Variants in CLNK observed in about 807,000 individuals in gnomAD.
CLNK encodes cytokine dependent hematopoietic cell linker, also known as cytokine-dependent hematopoietic cell linker.
In CLNK, 74 loss-of-function variants were observed where a neutral mutation model predicts 68.6. The observed-to-expected ratio is 1.08, with a 90% CI of 0.89 to 1.31. The LOEUF is 1.31. Among genes scored for constraint, CLNK ranks in the 50% most tolerant of loss-of-function variants. The pLI is 0.00. For missense variants in CLNK, 553 were observed against 515.3 expected (o/e 1.07, Z -0.71); for synonymous variants, 198 against 172.2 (o/e 1.15, Z -1.17).
chr4:10,609,560 C>A lies in CLNK; in HGVS notation c.12-11511G>T, dbSNP rs555276531. ...GACATTAGGGACCACCTGTCAAGACCCTCACACAGAAGAGCAGCAGAGGAA... is the reference window on the plus strand; with the variant it reads ...GACATTAGGGACCACCTGTCAAGACACTCACACAGAAGAGCAGCAGAGGAA... On this transcript the variant is annotated intron_variant, in intron 2 of 18. Coordinates refer to ENST00000226951, the MANE Select transcript of CLNK (RefSeq NM_052964.4). Among the ~76,000 whole-genome samples the A allele has an allele frequency of 3.3e-5, 5 of 152,304 alleles. No individual in the cohort carries two copies. The South Asian group carries it at 1.0e-3, about 32-fold the overall frequency.
chr4:10,611,810 A>G (rs1277447685), intron 2 of CLNK, among the ~76,000 whole-genome samples: 1 of 151,974 alleles, frequency 6.6e-6, no homozygotes, highest in Admixed American at 6.6e-5. Context: ...ACTTCCTCCA[A>G]TCCATTCACT....
At chr4:10,554,882 C>G (rs1353343965) in intron 8 of CLNK, among the ~76,000 whole-genome samples, 1 of 152,096 alleles carries the variant, frequency 6.6e-6, no homozygotes, top group Admixed American at 6.5e-5. Flanking sequence ...ATGGGATGTT[C>G]GTTACGAAAT....
intron 2 of CLNK, among the ~76,000 whole-genome samples, chr4:10,617,021 C>G (rs1722262562): frequency 6.6e-6 from 1 of 152,010 alleles, no homozygotes; most frequent in African/African-American, 2.4e-5. Context: ...TTTTACTGCT[C>G]TGATCCACAT....
At chr4:10,607,167 C>T (rs1448097800) in intron 2 of CLNK, among the ~76,000 whole-genome samples, 4 of 152,162 alleles carry the variant, frequency 2.6e-5, no homozygotes, top group African/African-American at 4.8e-5. Context: ...GGAAAAGGTG[C>T]ATCCATAGAG....
chr4:10,629,405 G>C (rs191260653), intron 2 of CLNK, among the ~76,000 whole-genome samples: 12 of 152,256 alleles, frequency 7.9e-5, no homozygotes, highest in Non-Finnish European at 5.9e-5. Context: ...GGGGAGGCAG[G>C]CTCCCTTTCC....
intron 2 of CLNK, among the ~76,000 whole-genome samples, chr4:10,608,145 A>T (rs1298434162): frequency 6.6e-6 from 1 of 152,180 alleles, no homozygotes; most frequent in African/African-American, 2.4e-5. Context: ...CCCTGCAAGA[A>T]TTCCTCCATT....
intron 2 of CLNK, among the ~76,000 whole-genome samples, chr4:10,659,216 G>A (rs912714799): frequency 2.0e-5 from 3 of 152,044 alleles, no homozygotes; most frequent in Non-Finnish European, 2.9e-5. Flanking sequence ...AAAACAAAAC[G>A]TAACACACAA....
At chr4:10,504,058 C>T (rs922497350) in intron 17 of CLNK, among the ~76,000 whole-genome samples, 10 of 149,472 alleles carry the variant, frequency 6.7e-5, no homozygotes, top group African/African-American at 2.2e-4. Context: ...TGGGATTATA[C>T]GTGTGAGCCA....
intron 2 of CLNK, among the ~76,000 whole-genome samples, chr4:10,633,965 T>A (rs1321019443): frequency 6.6e-6 from 1 of 152,196 alleles, no homozygotes. Context: ...GAGGTCAGAA[T>A]GAGAACTCCC....
chr4:10,605,654 C>T (rs1721760255), intron 2 of CLNK, among the ~76,000 whole-genome samples: 2 of 151,546 alleles, frequency 1.3e-5, no homozygotes, highest in African/African-American at 2.4e-5. Context: ...ATGGTAAAAC[C>T]CCGTCTCTAC....
intron 15 of CLNK, among the ~76,000 whole-genome samples, chr4:10,514,068 C>G (rs1396840677): frequency 7.6e-6 from 1 of 132,420 alleles, no homozygotes; most frequent in Non-Finnish European, 1.6e-5. Context: ...TCCATGTGAT[C>G]TTATTGTTCA....
intron 15 of CLNK, among the ~76,000 whole-genome samples, chr4:10,516,882 A>G (rs1418163486): frequency 1.3e-5 from 2 of 152,142 alleles, no homozygotes; most frequent in African/African-American, 4.8e-5. Flanking sequence ...GAGCCTAAGG[A>G]TGTTTGTTGT....
In CLNK at chr4:10,611,534, T is replaced by C. The variant is rs935390917; in HGVS notation, c.12-13485A>G. ...AAATGTAGTGGACCTTCTTCTGCAG[T>C]CTGCAGGGAAGCTGGGAGGGGCCTC... On this transcript the variant is annotated intron_variant, in intron 2 of 18. Transcript: ENST00000226951. Among the ~76,000 whole-genome samples, 7 of 149,048 alleles carry C rather than the reference T, an allele frequency of 4.7e-5. No individual in the cohort carries two copies. In the East Asian group the frequency reaches 1.4e-3, roughly 29 times the overall value.
rs1720251198 is a variant in CLNK at position 10,569,343 on chromosome 4, T to C, written c.150+2398A>G. Among the ~76,000 whole-genome samples the C allele has an allele frequency of 2.0e-5, 3 of 152,032 alleles. No homozygotes were observed. In the South Asian group the frequency reaches 6.2e-4, roughly 32 times the overall value. On this transcript the variant is annotated intron_variant, in intron 5 of 18. Coordinates refer to ENST00000226951, the MANE Select transcript of CLNK (RefSeq NM_052964.4). ...AAGAGACACCAGAGAGTTCTCTCTC[T>C]CTCTTTCTCTGGGTTTCTCCCTCTC...
At chr4:10,673,754 C>T (rs1724758611) in intron 1 of CLNK, among the ~76,000 whole-genome samples, 1 of 151,638 alleles carries the variant, frequency 6.6e-6, no homozygotes, top group Non-Finnish European at 1.5e-5. Context: ...CCCACATGGA[C>T]TATGATAATG....
intron 18 of CLNK, among the ~76,000 whole-genome samples, chr4:10,491,357 T>C (rs753701448): frequency 7.7e-6 from 1 of 130,484 alleles, no homozygotes; most frequent in African/African-American, 2.8e-5. Context: ...AGCAAAAATA[T>C]AGAAGATGTA....
At chr4:10,607,741 C>T (rs377351290) in intron 2 of CLNK, among the ~76,000 whole-genome samples, 3 of 152,190 alleles carry the variant, frequency 2.0e-5, no homozygotes, top group African/African-American at 7.2e-5. Flanking sequence ...AGCCACAATC[C>T]TGGACAATGA....
chr4:10,662,014 A>G (rs1046864443), intron 2 of CLNK, among the ~76,000 whole-genome samples: 14 of 152,244 alleles, frequency 9.2e-5, no homozygotes, highest in African/African-American at 3.1e-4. Context: ...CAAAACAAGC[A>G]AATAGGAAAT....
Position 10,490,365 on chromosome 4 carries a change from TA to T in CLNK, c.*101del. On this transcript the variant is annotated 3_prime_UTR_variant, in exon 19 of 19. Transcript: ENST00000226951. ...AGAGTGTTTTTCTTTTCTCCAAAGT[TA>T]AAAAAGTTGTCCCTTGAAGGCACAG... 3.1e-6 allele frequency: 4 copies of T among 1,288,248 alleles called. No individual in the cohort carries two copies. The highest frequency in any genetic ancestry group is 4.2e-6 in the Non-Finnish European group (4 of 948,542). 79.8% of individuals were successfully genotyped at this position (1,288,248 alleles called of 1,614,324 possible). A position where few individuals can be genotyped will look rare whatever the true frequency, so the allele number is the denominator to read the frequency against.
Sources: gnomAD v4.1 joint callset for allele counts (sites outside exome capture counted in the v4.1 genomes callset) on GRCh38, gnomAD v4.1.1 for gene constraint, MANE v1.5 for transcripts, NCBI Gene and HGNC (gene_info 2026-07-23, HGNC 2026-07-21) for gene names.